SLC12A7: variants seen among roughly 807,000 people sequenced by gnomAD.
The protein encoded by SLC12A7 is solute carrier family 12 member 7.
SLC12A7 carries 100 observed loss-of-function variants against 120.6 expected under a neutral mutation model. The observed-to-expected ratio is 0.83, with a 90% CI of 0.71 to 0.98. The LOEUF is 0.98. Ranked by LOEUF, SLC12A7 falls within the 50% of genes least tolerant of loss-of-function variation. The pLI, the probability that SLC12A7 is intolerant of heterozygous loss-of-function variation, is 0.00. For missense variants in SLC12A7, 1,373 were observed against 1,548.1 expected, an observed-to-expected ratio of 0.89 and a Z score of 1.90; for synonymous variants, 760 against 678.0, an observed-to-expected ratio of 1.12 and a Z score of -1.88.
chr5:1,125,901 A>G, the SLC12A7 span, among the ~76,000 whole-genome samples: 1 of 146,080 alleles, frequency 6.8e-6, no homozygotes, highest in African/African-American at 2.6e-5. Flanking sequence ...CTCTAGCCTG[A>G]CAACAGTGCC....
chr5:1,067,249 A>AC (rs1164183736), intron 17 of SLC12A7, among the ~76,000 whole-genome samples: 4 of 152,022 alleles, frequency 2.6e-5, no homozygotes, highest in Admixed American at 2.6e-4. Flanking sequence ...TGAACACGTT[A>AC]CCCCCAAGGG....
chr5:1,069,339 C>G (rs1189778078), intron 17 of SLC12A7, among the ~76,000 whole-genome samples: 1 of 152,246 alleles, frequency 6.6e-6, no homozygotes, highest in Non-Finnish European at 1.5e-5. Context: ...CACCCCTAGG[C>G]TGACCGGCCC....
chr5:1,060,235 T>C, intron 21 of SLC12A7, 109 bp downstream of exon 21: 4 of 808,280 alleles, frequency 4.9e-6, no homozygotes, highest in African/African-American at 3.4e-5. Flanking sequence ...ACCTGAGGCA[T>C]GCTCTCTGGA....
the SLC12A7 span, among the ~76,000 whole-genome samples, chr5:1,146,813 G>A: frequency 2.6e-5 from 4 of 152,116 alleles, no homozygotes; most frequent in African/African-American, 7.2e-5. The surrounding 1 kb of genome is among the most constrained non-coding windows in gnomAD (Gnocchi z 6.5). Flanking sequence ...TTGCCAATCA[G>A]AACATTTTTA....
intron 1 of SLC12A7, among the ~76,000 whole-genome samples, chr5:1,095,013 A>AGGCGGGGGGGC (rs1236628456): frequency 1.6e-5 from 1 of 61,372 alleles, no homozygotes; most frequent in African/African-American, 1.0e-4. Flanking sequence ...GGTCGGTAGG[A>AGGCGGGGGGGC]GGTGGGGGCG....
chr5:1,128,567 CTG>C, the SLC12A7 span, among the ~76,000 whole-genome samples: 3 of 152,248 alleles, frequency 2.0e-5, no homozygotes, highest in Admixed American at 6.5e-5. Context: ...CCCCAACACT[CTG>C]AGACCTCTGG....
intron 3 of SLC12A7, among the ~76,000 whole-genome samples, chr5:1,089,552 C>T (rs1254354277): frequency 4.8e-5 from 7 of 145,778 alleles, no homozygotes; most frequent in African/African-American, 1.5e-4. Context: ...AGGGATGAGA[C>T]GGCTGCTGCC....
At chr5:1,120,837 T>C in the SLC12A7 span, among the ~76,000 whole-genome samples, 30 of 152,084 alleles carry the variant, frequency 2.0e-4, no homozygotes, top group African/African-American at 7.2e-4. Flanking sequence ...CACCCTGGGG[T>C]GCACACCAGC....
At chr5:1,148,496 C>T in the SLC12A7 span, among the ~76,000 whole-genome samples, 1 of 152,226 alleles carries the variant, frequency 6.6e-6, no homozygotes, top group African/African-American at 2.4e-5. Flanking sequence ...TGAGCCACCG[C>T]ACCTGGCCTT....
At chr5:1,075,742 C>T (rs768832898) in intron 14 of SLC12A7, 90 of 534,032 alleles carry the variant, frequency 1.7e-4, no homozygotes, top group Non-Finnish European at 2.6e-4. Flanking sequence ...CACAGCACCT[C>T]GGCTGTGCAT....
the SLC12A7 span, among the ~76,000 whole-genome samples, chr5:1,131,259 G>A: frequency 5.3e-5 from 8 of 152,162 alleles, no homozygotes; most frequent in Non-Finnish European, 7.4e-5. Context: ...CGTCCCTCCC[G>A]GCCGTCCTGC....
At chr5:1,127,454 A>AGGAGCCTCTTTT in the SLC12A7 span, among the ~76,000 whole-genome samples, 1 of 152,262 alleles carries the variant, frequency 6.6e-6, no homozygotes, top group African/African-American at 2.4e-5. Context: ...AGGGGCAGGA[A>AGGAGCCTCTTTT]GGAGCCTCTT....
intron 14 of SLC12A7, chr5:1,075,915 C>CT (rs1469641358): frequency 1.8e-6 from 1 of 540,872 alleles, no homozygotes; most frequent in African/African-American, 1.9e-5. Context: ...AACCAGAGGC[C>CT]TTCCTCAGGT....
At chr5:1,069,082 T>C (rs1204923384) in intron 17 of SLC12A7, among the ~76,000 whole-genome samples, 1 of 152,322 alleles carries the variant, frequency 6.6e-6, no homozygotes, top group East Asian at 1.9e-4. Context: ...TCACAGTCAA[T>C]AGCAGCTAAC....
chr5:1,077,812 C>A (rs767015128), intron 12 of SLC12A7, 21 bp downstream of exon 12: 1 of 1,552,514 alleles, frequency 6.4e-7, no homozygotes, highest in East Asian at 2.4e-5. Flanking sequence ...AGGGTCCCCC[C>A]GACGAGGGTG....
At chr5:1,101,704 T>G (rs957457225) in intron 1 of SLC12A7, among the ~76,000 whole-genome samples, 7 of 152,226 alleles carry the variant, frequency 4.6e-5, no homozygotes, top group Non-Finnish European at 7.3e-5. Context: ...GGGTGCTAGC[T>G]GTCCACGCAC....
chr5:1,053,873 G>A (rs978672297), intron 22 of SLC12A7, among the ~76,000 whole-genome samples: 2 of 152,234 alleles, frequency 1.3e-5, no homozygotes, highest in Non-Finnish European at 2.9e-5. Flanking sequence ...AGGCTGACAC[G>A]CTTCTCTTGA....
the SLC12A7 span, among the ~76,000 whole-genome samples, chr5:1,135,802 G>A: frequency 6.6e-6 from 1 of 152,220 alleles, no homozygotes; most frequent in East Asian, 1.9e-4. Context: ...TTGCAGAGGA[G>A]TGCAGTTTCA....
intron 15 of SLC12A7, among the ~76,000 whole-genome samples, chr5:1,075,064 G>T (rs929408142): frequency 6.6e-6 from 1 of 152,198 alleles, no homozygotes; most frequent in Non-Finnish European, 1.5e-5. Context: ...ACAACCTGGG[G>T]ACACCTCGCG....
Sources: allele counts gnomAD v4.1 joint callset (sites outside exome capture counted in the v4.1 genomes callset), GRCh38; gene constraint gnomAD v4.1.1; non-coding constraint Gnocchi (gnomAD v3.1); transcripts MANE v1.5; gene names NCBI Gene and HGNC (gene_info 2026-07-23, HGNC 2026-07-21).